Variants in PDSS2 observed in about 807,000 individuals in gnomAD.
The protein encoded by PDSS2 is all trans-polyprenyl-diphosphate synthase PDSS2.
Under a neutral mutation model 44.5 loss-of-function variants are expected in PDSS2, and 31 were observed. That is an observed-to-expected ratio of 0.70 (90% CI 0.52 to 0.94). PDSS2 has a LOEUF of 0.94. Among genes scored for constraint, PDSS2 ranks in the 40% least tolerant of loss-of-function variants. The pLI, the probability that PDSS2 is intolerant of heterozygous loss-of-function variation, is 0.00. For missense variants in PDSS2, 452 were observed against 482.2 expected, an observed-to-expected ratio of 0.94 and a Z score of 0.59; for synonymous variants, 157 against 180.3, an observed-to-expected ratio of 0.87 and a Z score of 1.03.
At chr6:107,322,149 T>C (rs545791548) in intron 2 of PDSS2, among the ~76,000 whole-genome samples, 2 of 152,342 alleles carry the variant, frequency 1.3e-5, no homozygotes, top group African/African-American at 2.4e-5. Context: ...GAATTGCCTG[T>C]TGCTGTGTTA....
At chr6:107,326,589 C>T (rs1562463826) in intron 2 of PDSS2, among the ~76,000 whole-genome samples, 1 of 151,854 alleles carries the variant, frequency 6.6e-6, no homozygotes, top group African/African-American at 2.4e-5. Flanking sequence ...GCAGTGGCTC[C>T]GCCTGTAATC....
intron 1 of PDSS2, among the ~76,000 whole-genome samples, chr6:107,443,234 C>A (rs899794273): frequency 6.6e-6 from 1 of 152,204 alleles, no homozygotes; most frequent in Non-Finnish European, 1.5e-5. Context: ...TTCACAACCA[C>A]CACAGCCGCC....
At chr6:107,339,250 C>T (rs1353998938) in intron 1 of PDSS2, among the ~76,000 whole-genome samples, 1 of 152,210 alleles carries the variant, frequency 6.6e-6, no homozygotes, top group East Asian at 1.9e-4. Context: ...CCTCACTTTA[C>T]TACATTTAAT....
intron 1 of PDSS2, among the ~76,000 whole-genome samples, chr6:107,417,622 C>G (rs1051035440): frequency 6.6e-6 from 1 of 151,860 alleles, no homozygotes; most frequent in East Asian, 1.9e-4. Flanking sequence ...TAGCTGGGCA[C>G]GGTGGCGCAG....
chr6:107,338,070 C>A (rs1777961697), intron 1 of PDSS2, among the ~76,000 whole-genome samples: 3 of 152,038 alleles, frequency 2.0e-5, no homozygotes, highest in Admixed American at 2.0e-4. Flanking sequence ...AAATTCACTT[C>A]GTTAACACTC....
chr6:107,372,356 C>T (rs930115583), intron 1 of PDSS2, among the ~76,000 whole-genome samples: 7 of 152,154 alleles, frequency 4.6e-5, no homozygotes, highest in Non-Finnish European at 8.8e-5. Flanking sequence ...AATTTCTAGG[C>T]ACATTGCATT....
intron 1 of PDSS2, among the ~76,000 whole-genome samples, chr6:107,369,202 G>A (rs547337425): frequency 6.6e-6 from 1 of 152,016 alleles, no homozygotes; most frequent in South Asian, 2.1e-4. Flanking sequence ...GGCAGATCAC[G>A]AGGTCAGGAG....
intron 2 of PDSS2, among the ~76,000 whole-genome samples, chr6:107,321,531 T>C (rs1238623764): frequency 6.6e-6 from 1 of 152,192 alleles, no homozygotes; most frequent in Non-Finnish European, 1.5e-5. Context: ...ATCCTATATG[T>C]TCATGAGCAG....
Position 107,245,639 on chromosome 6 carries a change from A to G in PDSS2, c.631-20T>C. The G allele has an allele frequency of 6.8e-7, 1 of 1,466,028 alleles. No individual in the cohort carries two copies. The highest frequency in any genetic ancestry group is 9.4e-7 in the Non-Finnish European group (1 of 1,066,658). The allele number at this position is 1,466,028 out of a possible 1,614,324, so 90.8% of individuals were successfully genotyped here. A position where few individuals can be genotyped will look rare whatever the true frequency, so the allele number is the denominator to read the frequency against. On this transcript the variant is annotated intron_variant, in intron 3 of 7. Coordinates refer to ENST00000369037, the MANE Select transcript of PDSS2 (RefSeq NM_020381.4). ...CACAACCTAAAAAGCAAGAAGAAAA[A>G]TAAAAATAAAAAAATTTAAATATAT... is the stretch of plus-strand genomic sequence containing the variant.
At chr6:107,290,529 C>G (rs1776308509) in intron 2 of PDSS2, among the ~76,000 whole-genome samples, 1 of 152,064 alleles carries the variant, frequency 6.6e-6, no homozygotes, top group Non-Finnish European at 1.5e-5. Context: ...ATTTCTCCAC[C>G]CCCCGCCTCT....
Position 107,331,597 on chromosome 6 carries a change from G to A in PDSS2, c.431+2601C>T, listed in dbSNP as rs146259081. ...TAGAAACACAAGGTTACATCACAGT[G>A]CACCATGTGCATACAGATTAATAGC... On this transcript the variant is annotated intron_variant, in intron 2 of 7. Transcript: ENST00000369037. Among the ~76,000 whole-genome samples, 4 of 152,286 alleles carry A rather than the reference G, an allele frequency of 2.6e-5. No homozygotes were observed. The East Asian group carries it at 5.8e-4, about 22-fold the overall frequency.
At position 107,351,701 on chromosome 6, in the gene PDSS2, T is replaced by C. The variant is rs545669231; in HGVS notation, c.297-17369A>G. Among the ~76,000 whole-genome samples the C allele has an allele frequency of 1.4e-3, 211 of 152,294 alleles. 3 individuals are homozygous for C. Among genetic ancestry groups the C allele is most frequent in the African/African-American group, 4.8e-3 (199 of 41,574 alleles). On this transcript the variant is annotated intron_variant, in intron 1 of 7. Coordinates refer to ENST00000369037, the MANE Select transcript of PDSS2 (RefSeq NM_020381.4). ...AGCTACTGCCTACATAAAAAATAGT[T>C]AAAATTTCAGTGTAATTATTTTACA...
At chr6:107,313,031 C>T (rs551376525) in intron 2 of PDSS2, among the ~76,000 whole-genome samples, 215 of 152,240 alleles carry the variant, frequency 1.4e-3, no homozygotes, top group Non-Finnish European at 2.6e-3. Context: ...TTCACCTCCC[C>T]GGGGCTCCAT....
intron 2 of PDSS2, among the ~76,000 whole-genome samples, chr6:107,295,444 A>G (rs765889690): frequency 2.6e-5 from 4 of 152,232 alleles, no homozygotes; most frequent in Non-Finnish European, 4.4e-5. Flanking sequence ...GGTATCTGTG[A>G]AAACCAGGTA....
intron 4 of PDSS2, 59 bp from the exon 5 acceptor site, chr6:107,212,341 G>T: frequency 7.3e-7 from 1 of 1,366,078 alleles, no homozygotes; most frequent in Non-Finnish European, 1.0e-6. Context: ...AATTGTTTCT[G>T]TTTTTGAAGA....
intron 7 of PDSS2, among the ~76,000 whole-genome samples, chr6:107,185,123 T>TAAAAAAAAAA (rs11317647): frequency 2.3e-5 from 2 of 88,774 alleles, no homozygotes; most frequent in Non-Finnish European, 4.4e-5. Flanking sequence ...ACCTTATATC[T>TAAAAAAAAAA]AAAAAAAAAA....
intron 7 of PDSS2, among the ~76,000 whole-genome samples, chr6:107,176,935 T>A (rs1200465217): frequency 6.6e-6 from 1 of 151,982 alleles, no homozygotes; most frequent in Non-Finnish European, 1.5e-5. Flanking sequence ...GTGCTTGCTA[T>A]GTCAAGGAGT....
intron 1 of PDSS2, among the ~76,000 whole-genome samples, chr6:107,357,560 T>G (rs1778630292): frequency 6.6e-6 from 1 of 152,176 alleles, no homozygotes; most frequent in Non-Finnish European, 1.5e-5. Flanking sequence ...CTTTATTTAC[T>G]AAGAACTAAA....
intron 3 of PDSS2, among the ~76,000 whole-genome samples, chr6:107,251,367 T>C (rs1369526969): frequency 6.6e-6 from 1 of 152,210 alleles, no homozygotes; most frequent in Admixed American, 6.5e-5. Context: ...CCTCAGGTGA[T>C]TTTAATGATG....
Sources: allele counts gnomAD v4.1 joint callset (sites outside exome capture counted in the v4.1 genomes callset), GRCh38; gene constraint gnomAD v4.1.1; transcripts MANE v1.5; gene names NCBI Gene and HGNC (gene_info 2026-07-23, HGNC 2026-07-21).